The following GRID1 variants were observed in gnomAD, a reference collection of about 807,000 sequenced individuals.
GRID1 encodes the protein glutamate ionotropic receptor delta type subunit 1.
In GRID1, 28 loss-of-function variants were observed where a neutral mutation model predicts 98.0. The observed-to-expected ratio is 0.29, with a 90% CI of 0.21 to 0.39. GRID1 has a LOEUF of 0.39. GRID1 is among the 10% of genes least tolerant of loss of function. The pLI is 1.00. For synonymous variants in GRID1, 553 were observed against 538.5 expected, an observed-to-expected ratio of 1.03 and a Z score of -0.37; for missense variants, 1,111 against 1,340.5, an observed-to-expected ratio of 0.83 and a Z score of 2.67.
intron 4 of GRID1, among the ~76,000 whole-genome samples, chr10:85,919,443 G>C (rs141977889): frequency 7.6e-4 from 116 of 152,198 alleles, no homozygotes; most frequent in African/African-American, 2.5e-3. Flanking sequence ...TCGCACAGAG[G>C]CTGAGATAGA....
chr10:86,089,363 G>T (rs540821859), intron 4 of GRID1, among the ~76,000 whole-genome samples: 1 of 150,810 alleles, frequency 6.6e-6, no homozygotes, highest in East Asian at 1.9e-4. Context: ...GAAACCAAGA[G>T]GAGAACCTGG....
intron 4 of GRID1, among the ~76,000 whole-genome samples, chr10:86,116,338 C>T (rs75990189): frequency 0.029 from 4,369 of 152,216 alleles, 222 homozygotes; most frequent in African/African-American, 0.1. Context: ...GGCCAAGGCA[C>T]ATCTGCAATG....
intron 3 of GRID1, among the ~76,000 whole-genome samples, chr10:86,159,860 G>C (rs1485727710): frequency 1.3e-5 from 2 of 152,132 alleles, no homozygotes; most frequent in African/African-American, 4.8e-5. Flanking sequence ...ATTCTTACGA[G>C]AATTAAATCT....
rs567657124 is a variant in GRID1, at chr10:85,708,582, C to A, written c.1997+14421G>T. On this transcript the variant is annotated intron_variant, in intron 12 of 15. Coordinates refer to ENST00000327946, the MANE Select transcript of GRID1 (RefSeq NM_017551.3). Reference sequence around the variant, plus strand: ...TTCAATAAAGTAGATTTAAGGTATACAATGTTAAATTGGAAAATGATCATT... The same window carrying A: ...TTCAATAAAGTAGATTTAAGGTATAAAATGTTAAATTGGAAAATGATCATT... Among the ~76,000 whole-genome samples, 9 of 152,150 alleles carry A rather than the reference C, an allele frequency of 5.9e-5. No individual in the cohort carries two copies. In the South Asian group the frequency reaches 1.0e-3, roughly 18 times the overall value.
chr10:85,958,802 A>G (rs563218292), intron 4 of GRID1, among the ~76,000 whole-genome samples: 1 of 152,046 alleles, frequency 6.6e-6, no homozygotes, highest in Non-Finnish European at 1.5e-5. Context: ...TACTAAAAAT[A>G]CAAAGTTAGC....
chr10:86,272,716 C>G (rs1201762066), intron 2 of GRID1, among the ~76,000 whole-genome samples: 2 of 152,128 alleles, frequency 1.3e-5, no homozygotes, highest in African/African-American at 4.8e-5. Flanking sequence ...ATACAATAGA[C>G]TGCCTAAGAC....
At chr10:85,984,671 T>C (rs1392256023) in intron 4 of GRID1, among the ~76,000 whole-genome samples, 1 of 152,118 alleles carries the variant, frequency 6.6e-6, no homozygotes, top group Non-Finnish European at 1.5e-5. Context: ...CAGAAGCTCT[T>C]TCAGACACCA....
chr10:86,284,303 C>A (rs567194480), intron 2 of GRID1, among the ~76,000 whole-genome samples: 1 of 152,104 alleles, frequency 6.6e-6, no homozygotes, highest in Non-Finnish European at 1.5e-5. Context: ...TTCACCCCTA[C>A]ACACACACAG....
intron 14 of GRID1, among the ~76,000 whole-genome samples, chr10:85,616,274 A>G (rs1252970500): frequency 6.6e-6 from 1 of 152,212 alleles, no homozygotes; most frequent in Non-Finnish European, 1.5e-5. Context: ...TTACATCTCA[A>G]AGACCTAAAG....
chr10:85,933,795 G>A (rs1304212797), intron 4 of GRID1, among the ~76,000 whole-genome samples: 1 of 152,196 alleles, frequency 6.6e-6, no homozygotes, highest in Non-Finnish European at 1.5e-5. Flanking sequence ...GAAAGAAGAG[G>A]TGCGGAACCA....
intron 4 of GRID1, among the ~76,000 whole-genome samples, chr10:85,958,379 C>T (rs1842221530): frequency 6.6e-6 from 1 of 152,218 alleles, no homozygotes; most frequent in Non-Finnish European, 1.5e-5. Flanking sequence ...CCCTTGGTGA[C>T]ACCTGTGATT....
chr10:86,195,168 G>A lies in GRID1; in HGVS notation c.520+11196C>T, dbSNP rs1445301920. 6.6e-6 allele frequency among the ~76,000 whole-genome samples: 1 copy of A among 152,086 alleles called. No individual in the cohort carries two copies. Among genetic ancestry groups the A allele is most frequent in the Non-Finnish European group, 1.5e-5 (1 of 67,966 alleles). On this transcript the variant is annotated intron_variant, in intron 3 of 15. Coordinates refer to ENST00000327946, the MANE Select transcript of GRID1 (RefSeq NM_017551.3). The surrounding 1 kb of genome is among the most constrained non-coding windows in gnomAD (Gnocchi z 4.4). ...GGTAAGTTCCAGCTTGGGATCAGCT[G>A]AGCCATGAGAGGGCCACACTGCACA...
chr10:86,230,741 C>T (rs943848019), intron 2 of GRID1, among the ~76,000 whole-genome samples: 2 of 152,178 alleles, frequency 1.3e-5, no homozygotes, highest in Non-Finnish European at 2.9e-5. Flanking sequence ...ACCTCCTCCA[C>T]GAAGACTCCC....
intron 4 of GRID1, among the ~76,000 whole-genome samples, chr10:86,046,830 A>G (rs1843430834): frequency 6.6e-6 from 1 of 150,902 alleles, no homozygotes; most frequent in Admixed American, 6.6e-5. Flanking sequence ...TTGAATCCCA[A>G]CAATAATGCC....
intron 5 of GRID1, among the ~76,000 whole-genome samples, chr10:85,901,422 G>T (rs1841386154): frequency 6.6e-6 from 1 of 151,908 alleles, no homozygotes; most frequent in African/African-American, 2.4e-5. Context: ...AATTGTTTTT[G>T]TATTTTTAGT....
At chr10:86,211,787 C>T (rs1240158634) in intron 2 of GRID1, among the ~76,000 whole-genome samples, 1 of 152,126 alleles carries the variant, frequency 6.6e-6, no homozygotes, top group Non-Finnish European at 1.5e-5. Flanking sequence ...GCAAAGAGAA[C>T]ACCAGACCAC....
chr10:86,200,059 C>T (rs188410282), intron 3 of GRID1, among the ~76,000 whole-genome samples: 43 of 150,124 alleles, frequency 2.9e-4, no homozygotes, highest in Admixed American at 2.5e-3. Flanking sequence ...ATGATCTTTC[C>T]TCCTCTCCAT....
At chr10:85,663,681 AC>A (rs1346560616) in intron 12 of GRID1, among the ~76,000 whole-genome samples, 1 of 152,146 alleles carries the variant, frequency 6.6e-6, no homozygotes, top group Non-Finnish European at 1.5e-5. Flanking sequence ...GAAGGTGGAG[AC>A]CATGCTTTCT....
chr10:86,064,243 G>A (rs991923636), intron 4 of GRID1, among the ~76,000 whole-genome samples: 1 of 152,242 alleles, frequency 6.6e-6, no homozygotes, highest in Admixed American at 6.5e-5. Context: ...AACAGAGTTT[G>A]AGAAAGTTCT....
Sources: gnomAD v4.1 joint callset for allele counts (sites outside exome capture counted in the v4.1 genomes callset) on GRCh38, gnomAD v4.1.1 for gene constraint, Gnocchi (gnomAD v3.1) non-coding constraint, MANE v1.5 for transcripts, NCBI Gene and HGNC (gene_info 2026-07-23, HGNC 2026-07-21) for gene names.